The following SGCE variants were observed in gnomAD, a reference collection of about 807,000 sequenced individuals.
SGCE encodes the protein sarcoglycan epsilon, also known as epsilon-sarcoglycan.
SGCE carries 26 observed loss-of-function variants against 57.8 expected under a neutral mutation model. The observed-to-expected ratio is 0.45, with a 90% CI of 0.33 to 0.62. SGCE has a LOEUF of 0.62. Among genes scored for constraint, SGCE ranks in the 20% least tolerant of loss-of-function variants. The pLI is 0.02. For synonymous variants in SGCE, 183 were observed against 189.5 expected (o/e 0.97, Z 0.28); for missense variants, 468 against 548.6 (o/e 0.85, Z 1.47).
In SGCE at chr7:94,623,375, G is replaced by C. The variant is rs777335847; in HGVS notation, c.413C>G (p.Thr138Ser). 6 of 1,605,680 alleles carry C rather than the reference G, an allele frequency of 3.7e-6. No individual in the cohort carries two copies. The Admixed American group carries it at 8.4e-5, about 22-fold the overall frequency. ...CAAATTATGCCTTGCAGTCTCAAAG[G>C]TGCGCCTGTTGTAGGCAGTTATCTA... ...IIEITAYNRRTFETARHNLII... is the reference protein window; with the variant it reads ...IIEITAYNRRSFETARHNLII... Residue 138 changes from threonine to serine, a missense_variant, in exon 4 of 11, where the codon ACC becomes AGC. By Grantham distance (58) the Thr-to-Ser change is moderately conservative (BLOSUM62 1). Coordinates refer to ENST00000648936, the MANE Select transcript of SGCE (RefSeq NM_003919.3).
At chr7:94,612,816 G>T (rs1801263150) in intron 5 of SGCE, among the ~76,000 whole-genome samples, 1 of 151,712 alleles carries the variant, frequency 6.6e-6, no homozygotes, top group South Asian at 2.1e-4. Flanking sequence ...CTTCTCTCTT[G>T]GTGATTGACA....
rs1804375665 is a variant in SGCE at position 94,629,737 on chromosome 7, G to T, written c.214C>A (p.Pro72Thr). ...AACATACCAGGTTTTGGGTAAGGTG[G>T]AAATTCCCCCTTAAAATATTCTCTT... ...LEREYFKGEF[P>T]PYPKPGEISN... The change falls in exon 2 of 11, where the codon CCA becomes ACA. Residue 72 changes from proline (P) to threonine (T), a missense_variant. Transcript: ENST00000648936. 6.2e-7 allele frequency: 1 copy of T among 1,610,976 alleles called. No homozygotes were observed. The highest frequency in any genetic ancestry group is 1.3e-5 in the African/African-American group (1 of 74,732).
intron 6 of SGCE, among the ~76,000 whole-genome samples, chr7:94,602,320 A>C (rs953147235): frequency 2.6e-5 from 4 of 152,154 alleles, no homozygotes; most frequent in Admixed American, 6.6e-5. Flanking sequence ...AAAGGCCATG[A>C]GACAAGAGGC....
At position 94,656,089 on chromosome 7, in the gene SGCE, G is replaced by A. The variant is rs1468791562; in HGVS notation, c.10C>T (p.Pro4Ser). 3 of 1,606,368 alleles carry A rather than the reference G, an allele frequency of 1.9e-6. No homozygotes were observed. Among genetic ancestry groups the A allele is most frequent in the East Asian group, 2.2e-5 (1 of 44,820 alleles). Residue 4 changes from proline to serine, a missense_variant, in exon 1 of 11, where the codon CCC becomes TCC. Coordinates refer to ENST00000648936, the MANE Select transcript of SGCE (RefSeq NM_003919.3). ...GGGTCTCCCAGCTCCCACCACCGGG[G>A]CAATTGCATTCTTGGCCTGGCTAGG... is the stretch of plus-strand genomic sequence containing the variant. Reference protein sequence around the residue: MQLPRWWELGDPCA... With the variant: MQLSRWWELGDPCA...
At chr7:94,597,231 A>C (rs565088455) in intron 9 of SGCE, 1 of 152,248 alleles carries the variant, frequency 6.6e-6, no homozygotes, top group African/African-American at 2.4e-5. Context: ...CCCATTTCTT[A>C]AATTACCCAC....
intron 5 of SGCE, among the ~76,000 whole-genome samples, chr7:94,609,011 G>T (rs1800592514): frequency 6.6e-6 from 1 of 152,128 alleles, no homozygotes; most frequent in Non-Finnish European, 1.5e-5. Context: ...ATTTGATGAT[G>T]ATTTTTTAGT....
chr7:94,624,449 G>A (rs1349748265), intron 3 of SGCE: 2 of 376,712 alleles, frequency 5.3e-6, no homozygotes, highest in Admixed American at 9.0e-5. Flanking sequence ...TATATATTTT[G>A]AAAGGCATAT....
chr7:94,645,352 C>G (rs1243373982), intron 1 of SGCE, among the ~76,000 whole-genome samples: 3 of 152,116 alleles, frequency 2.0e-5, no homozygotes, highest in African/African-American at 4.8e-5. Flanking sequence ...GGAAATTAAT[C>G]TCATGCACTA....
intron 9 of SGCE, among the ~76,000 whole-genome samples, chr7:94,591,730 GT>G (rs574617357): frequency 9.9e-5 from 15 of 152,096 alleles, no homozygotes; most frequent in African/African-American, 3.6e-4. Flanking sequence ...TCTAGCCTCC[GT>G]TTTTTCCTCT....
At chr7:94,613,806 A>G (rs927101543) in intron 5 of SGCE, among the ~76,000 whole-genome samples, 2 of 152,182 alleles carry the variant, frequency 1.3e-5, no homozygotes, top group African/African-American at 2.4e-5. Flanking sequence ...ATATGTCCAT[A>G]TATGTTACAT....
At position 94,585,459 on chromosome 7, in the gene SGCE, G is replaced by T. The variant is rs1456611929; in HGVS notation, c.*40C>A. On this transcript the variant is annotated 3_prime_UTR_variant, in exon 11 of 11. Coordinates refer to ENST00000648936, the MANE Select transcript of SGCE (RefSeq NM_003919.3). ...AGAAATGTGATGTAACTGCTATATT[G>T]TCTGATTATAAATTCATTGCTTCAG... 2.5e-6 allele frequency: 4 copies of T among 1,578,236 alleles called. No homozygotes were observed. The Admixed American group carries it at 5.0e-5, about 20-fold the overall frequency.
chr7:94,621,760 C>T (rs929717033), intron 4 of SGCE: 2 of 152,152 alleles, frequency 1.3e-5, no homozygotes, highest in Non-Finnish European at 2.9e-5. Flanking sequence ...TATTCCAATT[C>T]TACAGGGCCA....
At chr7:94,598,187 C>A in intron 9 of SGCE, 1 of 159,534 alleles carries the variant, frequency 6.3e-6, no homozygotes, top group South Asian at 1.8e-4. Context: ...TTTCCTCACC[C>A]CTCACCCTTG....
Position 94,603,411 on chromosome 7 carries a change from C to CA in SGCE, c.703dup (p.Cys235LeufsTer6). ...CTGTGGATTTTCAACTTCTCGTAAA[C>CA]AAGAAGAAAACGGGACATCTGCACC... On this transcript the variant is annotated frameshift_variant, in exon 6 of 11. Coordinates refer to ENST00000648936, the MANE Select transcript of SGCE (RefSeq NM_003919.3). LOFTEE classifies it high-confidence loss of function. 6.2e-7 allele frequency: 1 copy of CA among 1,613,418 alleles called. No individual in the cohort carries two copies. The highest frequency in any genetic ancestry group is 8.5e-7 in the Non-Finnish European group (1 of 1,179,544).
intron 1 of SGCE, among the ~76,000 whole-genome samples, chr7:94,640,691 A>C (rs1434950957): frequency 6.6e-6 from 1 of 152,100 alleles, no homozygotes; most frequent in Non-Finnish European, 1.5e-5. Context: ...TCTGTTGCCC[A>C]GTCTGGTGTG....
chr7:94,591,092 A>G (rs1412039319), intron 9 of SGCE, among the ~76,000 whole-genome samples: 1 of 152,234 alleles, frequency 6.6e-6, no homozygotes, highest in Non-Finnish European at 1.5e-5. Flanking sequence ...ATCCTTGTGT[A>G]GGCTAGAGGA....
intron 9 of SGCE, among the ~76,000 whole-genome samples, chr7:94,593,086 C>T (rs537169821): frequency 5.3e-5 from 8 of 151,786 alleles, no homozygotes; most frequent in Non-Finnish European, 1.2e-4. Flanking sequence ...TGGAATTTTA[C>T]CATAAAGTTA....
intron 10 of SGCE, among the ~76,000 whole-genome samples, chr7:94,585,834 C>T (rs1251151448): frequency 1.3e-5 from 2 of 151,780 alleles, no homozygotes; most frequent in Non-Finnish European, 2.9e-5. Flanking sequence ...ACCTTTTAAT[C>T]GTGGCTTTTA....
At chr7:94,588,021 C>G (rs566227424) in intron 10 of SGCE, 73 of 1,386,654 alleles carry the variant, frequency 5.3e-5, no homozygotes, top group Non-Finnish European at 6.2e-5. Context: ...TAATGGTTCC[C>G]TGGCAATTAG....
Sources: gnomAD v4.1 joint callset for allele counts (sites outside exome capture counted in the v4.1 genomes callset) on GRCh38, gnomAD v4.1.1 for gene constraint, MANE v1.5 for transcripts, NCBI Gene and HGNC (gene_info 2026-07-23, HGNC 2026-07-21) for gene names.